PDZRN4: variants seen among roughly 807,000 people sequenced by gnomAD.
PDZRN4 encodes the protein PDZ domain-containing RING finger protein 4.
PDZRN4 carries 70 observed loss-of-function variants against 99.0 expected under a neutral mutation model. The ratio of observed to expected loss-of-function variants is 0.71; its 90% CI spans 0.58 to 0.86. The LOEUF (loss-of-function observed/expected upper bound fraction) is 0.86. Among genes scored for constraint, PDZRN4 ranks in the 40% least tolerant of loss-of-function variants. The pLI, the probability that PDZRN4 is intolerant of heterozygous loss-of-function variation, is 0.00. For missense variants in PDZRN4, 1,474 were observed against 1,331.2 expected, an observed-to-expected ratio of 1.11 and a Z score of -1.67; for synonymous variants, 551 against 501.6, an observed-to-expected ratio of 1.10 and a Z score of -1.32.
At chr12:41,571,376 T>TCTCACACA (rs1303597271) in intron 9 of PDZRN4, among the ~76,000 whole-genome samples, 18 of 65,586 alleles carry the variant, frequency 2.7e-4, no homozygotes, top group African/African-American at 5.9e-4. Context: ...TCTCTCTCTC[T>TCTCACACA]CACACACACA....
intron 3 of PDZRN4, among the ~76,000 whole-genome samples, chr12:41,344,562 A>T (rs1168189035): frequency 6.6e-6 from 1 of 151,836 alleles, no homozygotes; most frequent in Non-Finnish European, 1.5e-5. Flanking sequence ...AAGAAAAAAC[A>T]ACTTTCTTGC....
At chr12:41,341,707 A>G (rs1425347166) in intron 3 of PDZRN4, among the ~76,000 whole-genome samples, 1 of 151,894 alleles carries the variant, frequency 6.6e-6, no homozygotes, top group East Asian at 1.9e-4. Context: ...AGAAAACACA[A>G]ATAAATGAAA....
At chr12:41,405,586 T>A (rs187083743) in intron 3 of PDZRN4, among the ~76,000 whole-genome samples, 1 of 152,210 alleles carries the variant, frequency 6.6e-6, no homozygotes, top group Admixed American at 6.5e-5. Context: ...ACCCAGAAAT[T>A]TCATTACTGG....
At chr12:41,216,997 T>A (rs1950925460) in intron 3 of PDZRN4, among the ~76,000 whole-genome samples, 1 of 152,094 alleles carries the variant, frequency 6.6e-6, no homozygotes, top group Admixed American at 6.6e-5. Flanking sequence ...CAACATCATA[T>A]CCTTCTCAAA....
intron 3 of PDZRN4, among the ~76,000 whole-genome samples, chr12:41,361,957 A>G (rs1951966300): frequency 6.6e-6 from 1 of 152,028 alleles, no homozygotes; most frequent in African/African-American, 2.4e-5. Context: ...ATTGAGATGG[A>G]TGAAGCCATT....
intron 3 of PDZRN4, among the ~76,000 whole-genome samples, chr12:41,386,677 A>C (rs1250072504): frequency 6.6e-6 from 1 of 152,202 alleles, no homozygotes; most frequent in African/African-American, 2.4e-5. Context: ...GGCAATCCTA[A>C]GCAAAAAGAA....
intron 3 of PDZRN4, among the ~76,000 whole-genome samples, chr12:41,232,037 C>T (rs996507920): frequency 1.7e-4 from 26 of 151,596 alleles, no homozygotes; most frequent in Admixed American, 9.2e-4. Flanking sequence ...TAAACAAAGA[C>T]GAGGTATATA....
intron 3 of PDZRN4, among the ~76,000 whole-genome samples, chr12:41,302,060 A>T (rs1565546058): frequency 6.6e-6 from 1 of 151,982 alleles, no homozygotes; most frequent in Non-Finnish European, 1.5e-5. Flanking sequence ...TTCATATAAC[A>T]TTTGTGTATG....
chr12:41,423,844 A>G (rs1952512193), intron 3 of PDZRN4, among the ~76,000 whole-genome samples: 1 of 152,192 alleles, frequency 6.6e-6, no homozygotes, highest in Admixed American at 6.6e-5. Context: ...TATGAGGATC[A>G]GTCATTTCAG....
At chr12:41,415,082 T>C (rs1172150781) in intron 3 of PDZRN4, among the ~76,000 whole-genome samples, 2 of 152,144 alleles carry the variant, frequency 1.3e-5, no homozygotes, top group Admixed American at 6.6e-5. Context: ...TCAATACAGA[T>C]TTAAAGCAGG....
chr12:41,549,627 T>A (rs1325348188), intron 5 of PDZRN4, among the ~76,000 whole-genome samples: 1 of 152,206 alleles, frequency 6.6e-6, no homozygotes, highest in African/African-American at 2.4e-5. Flanking sequence ...TGCCAAGGGT[T>A]TAGTCCCTTG....
rs1019146605 is a variant in PDZRN4, at chr12:41,243,290, C to T, written c.843+49102C>T. Among the ~76,000 whole-genome samples the T allele has an allele frequency of 2.0e-5, 3 of 152,210 alleles. No individual in the cohort carries two copies. The South Asian group carries it at 6.2e-4, about 31-fold the overall frequency. On this transcript the variant is annotated intron_variant, in intron 3 of 9. Coordinates refer to ENST00000402685, the MANE Select transcript of PDZRN4 (RefSeq NM_001164595.2). ...TTTCAACTTTAACCTTTTACACAGA[C>T]ATTACCCTTTGGATTTGTTTTAATT...
chr12:41,350,566 T>C (rs745691536), intron 3 of PDZRN4, among the ~76,000 whole-genome samples: 5 of 152,056 alleles, frequency 3.3e-5, no homozygotes, highest in Non-Finnish European at 2.9e-5. Flanking sequence ...TAGGAACAAA[T>C]AGAAACGCAT....
At chr12:41,229,733 T>A (rs536401903) in intron 3 of PDZRN4, among the ~76,000 whole-genome samples, 7 of 152,176 alleles carry the variant, frequency 4.6e-5, no homozygotes, top group African/African-American at 1.2e-4. Flanking sequence ...TGTGAATGAA[T>A]GCTTAGGGCT....
chr12:41,192,710 A>G (rs1052633465), intron 2 of PDZRN4, among the ~76,000 whole-genome samples: 4 of 152,232 alleles, frequency 2.6e-5, no homozygotes, highest in African/African-American at 9.6e-5. Flanking sequence ...GATTGATTTC[A>G]ATAGGAAGTA....
intron 3 of PDZRN4, among the ~76,000 whole-genome samples, chr12:41,261,869 T>G (rs1951242417): frequency 1.3e-5 from 2 of 152,150 alleles, no homozygotes; most frequent in Non-Finnish European, 2.9e-5. Context: ...TGAAGTGTAA[T>G]GTAAGAAAGA....
At chr12:41,382,371 G>A (rs757062570) in intron 3 of PDZRN4, among the ~76,000 whole-genome samples, 41 of 152,202 alleles carry the variant, frequency 2.7e-4, no homozygotes, top group Non-Finnish European at 5.1e-4. Context: ...CGCTGTGCAT[G>A]TCCACTGGCT....
intron 3 of PDZRN4, among the ~76,000 whole-genome samples, chr12:41,375,918 C>T (rs73274431): frequency 0.017 from 2,521 of 152,234 alleles, 67 homozygotes; most frequent in African/African-American, 0.055. Flanking sequence ...CAAGCCCCAT[C>T]CCCTGGCAAC....
chr12:41,230,555 C>G (rs952393881), intron 3 of PDZRN4, among the ~76,000 whole-genome samples: 1 of 152,036 alleles, frequency 6.6e-6, no homozygotes, highest in Non-Finnish European at 1.5e-5. Flanking sequence ...AAGAATTTAT[C>G]ATTACTGATA....
Sources: gnomAD v4.1 joint callset for allele counts (sites outside exome capture counted in the v4.1 genomes callset) on GRCh38, gnomAD v4.1.1 for gene constraint, MANE v1.5 for transcripts, NCBI Gene and HGNC (gene_info 2026-07-23, HGNC 2026-07-21) for gene names.